Variants in CHN1 observed in about 807,000 individuals in gnomAD.
CHN1 encodes the protein N-chimaerin.
In CHN1, 37 loss-of-function variants were observed where a neutral mutation model predicts 59.5. That is an observed-to-expected ratio of 0.62 (90% CI 0.48 to 0.82). The LOEUF (loss-of-function observed/expected upper bound fraction) is 0.82, where lower values mean the gene tolerates loss of function less well. Ranked by LOEUF, CHN1 falls within the 40% of genes least tolerant of loss-of-function variation. The pLI is 0.00. For synonymous variants in CHN1, 206 were observed against 200.4 expected, an observed-to-expected ratio of 1.03 and a Z score of -0.24; for missense variants, 469 against 571.0, an observed-to-expected ratio of 0.82 and a Z score of 1.82.
chr2:174,928,750 T>C (rs1162723440), intron 3 of CHN1, among the ~76,000 whole-genome samples: 1 of 152,152 alleles, frequency 6.6e-6, no homozygotes, highest in Admixed American at 6.5e-5. Context: ...CCTGAGAAAA[T>C]GTGCTGCATG....
intron 3 of CHN1, among the ~76,000 whole-genome samples, chr2:174,937,376 A>G (rs1689529069): frequency 6.6e-6 from 1 of 152,232 alleles, no homozygotes; most frequent in South Asian, 2.1e-4. Flanking sequence ...AAATGTGCAC[A>G]TGCAAACAAA....
At chr2:174,966,922 G>C (rs1160921971) in intron 1 of CHN1, among the ~76,000 whole-genome samples, 1 of 152,112 alleles carries the variant, frequency 6.6e-6, no homozygotes, top group Non-Finnish European at 1.5e-5. Flanking sequence ...TTTGGATTTT[G>C]TTGGGTACAT....
intron 6 of CHN1, among the ~76,000 whole-genome samples, chr2:174,855,630 G>A (rs1287134208): frequency 1.3e-5 from 2 of 152,020 alleles, no homozygotes; most frequent in Admixed American, 6.6e-5. Flanking sequence ...ACAATAATAT[G>A]TCAGCTTCCA....
At chr2:174,825,959 A>G (rs1558940335) in intron 7 of CHN1, among the ~76,000 whole-genome samples, 1 of 152,250 alleles carries the variant, frequency 6.6e-6, no homozygotes, top group Non-Finnish European at 1.5e-5. Flanking sequence ...AAATATGCAT[A>G]TAAGAATCAA....
At chr2:174,992,517 T>C (rs1243942446) in intron 1 of CHN1, among the ~76,000 whole-genome samples, 2 of 152,174 alleles carry the variant, frequency 1.3e-5, no homozygotes, top group South Asian at 2.1e-4. Context: ...AGAAGAAAGA[T>C]GTAATCAAAA....
chr2:174,888,198 G>A (rs769328748), intron 5 of CHN1, among the ~76,000 whole-genome samples: 3 of 152,030 alleles, frequency 2.0e-5, no homozygotes, highest in Non-Finnish European at 2.9e-5. Context: ...TCTTTTTCTA[G>A]TGAACCTAAA....
chr2:174,900,805 C>CA lies in CHN1; in HGVS notation c.260+14252dup, dbSNP rs75555732. ...GGGCAAAAAGAGCGAAACTCCATCTCAAAAAAAAAAAAAGTAACTATCAAA... is the reference window on the plus strand; with the variant it reads ...GGGCAAAAAGAGCGAAACTCCATCTCAAAAAAAAAAAAAAGTAACTATCAAA... On this transcript the variant is annotated intron_variant, in intron 5 of 12. Transcript: ENST00000409900. Among the ~76,000 whole-genome samples the CA allele has an allele frequency of 4.4e-3, 540 of 124,068 alleles. 7 individuals are homozygous for CA. Among genetic ancestry groups the CA allele is most frequent in the East Asian group, 0.011 (49 of 4,342 alleles). The allele number at this position is 124,068 out of a possible 152,430, so 81.4% of individuals were successfully genotyped here.
At position 174,852,592 on chromosome 2, in the gene CHN1, A is replaced by C. The variant is rs527466947; in HGVS notation, c.550-5635T>G. Reference sequence around the variant, plus strand: ...TAGAAAAACCTATTCTAAAATTCATATGAAACCAAAAAAAGAGCCTGGCTA... The same window carrying C: ...TAGAAAAACCTATTCTAAAATTCATCTGAAACCAAAAAAAGAGCCTGGCTA... On this transcript the variant is annotated intron_variant, in intron 6 of 12. Coordinates refer to ENST00000409900, the MANE Select transcript of CHN1 (RefSeq NM_001822.7). Among the ~76,000 whole-genome samples the C allele has an allele frequency of 2.6e-5, 4 of 152,330 alleles. 1 individual carries two copies. Among genetic ancestry groups the C allele is most frequent in the African/African-American group, 9.6e-5 (4 of 41,582 alleles).
intron 1 of CHN1, among the ~76,000 whole-genome samples, chr2:174,978,957 T>C (rs1360006406): frequency 6.6e-6 from 1 of 152,224 alleles, no homozygotes; most frequent in Non-Finnish European, 1.5e-5. Flanking sequence ...ATTCATCCAT[T>C]CATCAAACAT....
chr2:174,864,158 AAAT>A (rs1452278201), intron 6 of CHN1, among the ~76,000 whole-genome samples: 4 of 152,070 alleles, frequency 2.6e-5, no homozygotes, highest in African/African-American at 9.7e-5. Context: ...TTTAACTTCT[AAAT>A]AATAATAAAC....
At chr2:174,883,958 C>G (rs1341115890) in intron 5 of CHN1, among the ~76,000 whole-genome samples, 1 of 147,034 alleles carries the variant, frequency 6.8e-6, no homozygotes, top group Non-Finnish European at 1.5e-5. Flanking sequence ...TCCAGAAAGT[C>G]TAACTTCTTT....
intron 7 of CHN1, among the ~76,000 whole-genome samples, chr2:174,830,449 C>T (rs1300903569): frequency 2.6e-5 from 4 of 152,068 alleles, no homozygotes; most frequent in Non-Finnish European, 5.9e-5. Context: ...TGTTAAGTTA[C>T]GTCTAGTCAA....
rs141250721 is a variant in CHN1 at position 174,926,226 on chromosome 2, C to G, written c.115-7661G>C. ...CATTTTTTTTTTTTTTCTTTTGAGA[C>G]AAGGTCTTGCTCTGTCACCCAGGCT... On this transcript the variant is annotated intron_variant, in intron 3 of 12. Coordinates refer to ENST00000409900, the MANE Select transcript of CHN1 (RefSeq NM_001822.7). Among the ~76,000 whole-genome samples the G allele has an allele frequency of 1.4e-3, 212 of 147,618 alleles. 7 individuals are homozygous for G. In the East Asian group the frequency reaches 0.039, roughly 27 times the overall value.
At chr2:174,983,008 A>T (rs974268179) in intron 1 of CHN1, among the ~76,000 whole-genome samples, 6 of 152,136 alleles carry the variant, frequency 3.9e-5, no homozygotes, top group Non-Finnish European at 7.4e-5. Context: ...AGAAGACATT[A>T]AAAAAACACA....
intron 7 of CHN1, among the ~76,000 whole-genome samples, chr2:174,838,180 G>A (rs989505889): frequency 2.6e-5 from 4 of 151,764 alleles, no homozygotes; most frequent in Middle Eastern, 3.2e-3. Context: ...TGCAACCTCC[G>A]CCTCCCAGGT....
At chr2:174,837,442 AC>A (rs2105420724) in intron 7 of CHN1, 1 of 152,362 alleles carries the variant, frequency 6.6e-6, no homozygotes, top group South Asian at 2.1e-4. Context: ...GGAGGATATC[AC>A]CTAATGTGAC....
intron 10 of CHN1, chr2:174,810,950 G>T (rs957357593): frequency 1.3e-5 from 2 of 152,220 alleles, no homozygotes; most frequent in African/African-American, 4.8e-5. Flanking sequence ...TAATTTAAAT[G>T]TTAGCTAAGA....
chr2:174,931,251 A>G (rs750358222), intron 3 of CHN1, among the ~76,000 whole-genome samples: 2 of 152,236 alleles, frequency 1.3e-5, no homozygotes, highest in African/African-American at 2.4e-5. Context: ...AAAGCATATT[A>G]TAAGTGTTAA....
At chr2:174,984,873 T>C (rs1425093381) in intron 1 of CHN1, among the ~76,000 whole-genome samples, 1 of 152,230 alleles carries the variant, frequency 6.6e-6, no homozygotes, top group Non-Finnish European at 1.5e-5. Context: ...AAGAAACCTG[T>C]ATTGATTCTT....
Sources: gnomAD v4.1 joint callset for allele counts (sites outside exome capture counted in the v4.1 genomes callset) on GRCh38, gnomAD v4.1.1 for gene constraint, MANE v1.5 for transcripts, NCBI Gene and HGNC (gene_info 2026-07-23, HGNC 2026-07-21) for gene names.